Variants in OSBPL8 observed in about 807,000 individuals in gnomAD.
OSBPL8 encodes the protein oxysterol-binding protein-related protein 8.
OSBPL8 carries 59 observed loss-of-function variants against 125.5 expected under a neutral mutation model. That is an observed-to-expected ratio of 0.47 (90% CI 0.38 to 0.58). The LOEUF is 0.58. OSBPL8 is among the 20% of genes least tolerant of loss of function. The probability of loss-of-function intolerance (pLI) is 0.00; values close to 1 mark genes in which losing one functional copy is unlikely to be tolerated. For missense variants in OSBPL8, 758 were observed against 1,047.8 expected (o/e 0.72, Z 3.82); for synonymous variants, 330 against 338.9 (o/e 0.97, Z 0.29).
intron 12 of OSBPL8, among the ~76,000 whole-genome samples, chr12:76,386,941 G>A (rs1303716150): frequency 6.6e-6 from 1 of 152,062 alleles, no homozygotes; most frequent in Non-Finnish European, 1.5e-5. Flanking sequence ...TTCTGAATTG[G>A]TATTCTGCAG....
intron 1 of OSBPL8, among the ~76,000 whole-genome samples, chr12:76,514,237 C>T (rs555764168): frequency 9.8e-4 from 149 of 152,138 alleles, no homozygotes; most frequent in African/African-American, 3.4e-3. Context: ...CTCCGCCTCC[C>T]GGGTTCAAGC....
At chr12:76,505,926 G>GT (rs1475020817) in intron 1 of OSBPL8, among the ~76,000 whole-genome samples, 1 of 152,162 alleles carries the variant, frequency 6.6e-6, no homozygotes, top group African/African-American at 2.4e-5. Context: ...GAAATGATAA[G>GT]TTTTTACTTA....
chr12:76,545,832 C>G (rs971805164), intron 1 of OSBPL8, among the ~76,000 whole-genome samples: 1 of 152,120 alleles, frequency 6.6e-6, no homozygotes, highest in Non-Finnish European at 1.5e-5. Flanking sequence ...AAATGAGAAA[C>G]TATGGAGCTA....
chr12:76,358,906 G>C, intron 21 of OSBPL8, 95 bp from the exon 22 acceptor site: 1 of 859,312 alleles, frequency 1.2e-6, no homozygotes. Context: ...ACATAGGCAT[G>C]ATATTCAGAA....
intron 4 of OSBPL8, among the ~76,000 whole-genome samples, chr12:76,412,317 T>C (rs1868265086): frequency 6.6e-6 from 1 of 152,128 alleles, no homozygotes; most frequent in Non-Finnish European, 1.5e-5. Flanking sequence ...TTGGAGGAAA[T>C]ACTGACTCGG....
chr12:76,464,562 C>T (rs563177083), intron 2 of OSBPL8, among the ~76,000 whole-genome samples: 1 of 152,222 alleles, frequency 6.6e-6, no homozygotes, highest in East Asian at 1.9e-4. Flanking sequence ...TAAATATTTG[C>T]CACCTCATCT....
chr12:76,443,421 T>C (rs1035243000), intron 4 of OSBPL8, among the ~76,000 whole-genome samples: 18 of 152,158 alleles, frequency 1.2e-4, no homozygotes, highest in African/African-American at 4.1e-4. Flanking sequence ...TGAGCTATAA[T>C]TTAGGCTCCA....
rs1951937686 is a variant in OSBPL8, at chr12:76,355,186, G to A, written c.*703C>T. The A allele has an allele frequency of 6.6e-6, 1 of 152,368 alleles. No individual in the cohort carries two copies. The highest frequency in any genetic ancestry group is 1.5e-5 in the Non-Finnish European group (1 of 67,914). 9.4% of individuals were successfully genotyped at this position (152,368 alleles called of 1,614,324 possible). A position where few individuals can be genotyped will look rare whatever the true frequency, so the allele number is the denominator to read the frequency against. On this transcript the variant is annotated 3_prime_UTR_variant, in exon 24 of 24. Coordinates refer to ENST00000261183, the MANE Select transcript of OSBPL8 (RefSeq NM_020841.5). Reference sequence around the variant, plus strand: ...AATCAATCCAATTAATTGCACACCAGTGTTTTTATACTGATATACACGTAA... The same window carrying A: ...AATCAATCCAATTAATTGCACACCAATGTTTTTATACTGATATACACGTAA...
intron 12 of OSBPL8, among the ~76,000 whole-genome samples, chr12:76,387,731 T>C (rs947471296): frequency 1.3e-5 from 2 of 152,224 alleles, no homozygotes; most frequent in African/African-American, 2.4e-5. Context: ...CCTAGGCTTA[T>C]TGACAATGGT....
intron 2 of OSBPL8, among the ~76,000 whole-genome samples, chr12:76,462,948 G>C (rs532758849): frequency 6.6e-6 from 1 of 152,194 alleles, no homozygotes; most frequent in Non-Finnish European, 1.5e-5. Context: ...AGGTCAGAGG[G>C]GTAAACAGAT....
At chr12:76,451,459 T>C (rs1346499750) in intron 3 of OSBPL8, among the ~76,000 whole-genome samples, 1 of 152,152 alleles carries the variant, frequency 6.6e-6, no homozygotes, top group Non-Finnish European at 1.5e-5. Flanking sequence ...GAATTTCTAC[T>C]CTAATTTCTA....
chr12:76,539,930 GA>G, intron 1 of OSBPL8, among the ~76,000 whole-genome samples: 1 of 152,308 alleles, frequency 6.6e-6, no homozygotes, highest in Non-Finnish European at 1.5e-5. Context: ...TTTTCAGTCA[GA>G]AAACAGTCGG....
In OSBPL8 at chr12:76,352,876, T is replaced by C. The variant is rs923122944; in HGVS notation, c.*3013A>G. 1 of 152,552 alleles carries C rather than the reference T, an allele frequency of 6.6e-6. No individual in the cohort carries two copies. The highest frequency in any genetic ancestry group is 1.5e-5 in the Non-Finnish European group (1 of 67,950). 9.4% of individuals were successfully genotyped at this position (152,552 alleles called of 1,614,324 possible). A position where few individuals can be genotyped will look rare whatever the true frequency, so the allele number is the denominator to read the frequency against. On this transcript the variant is annotated 3_prime_UTR_variant, in exon 24 of 24. Coordinates refer to ENST00000261183, the MANE Select transcript of OSBPL8 (RefSeq NM_020841.5). ...AAGTGTGATTCCATCGAAAAGGCAC[T>C]GTTAACAATACTCAGAATAATCTGA...
intron 2 of OSBPL8, among the ~76,000 whole-genome samples, chr12:76,484,016 T>C (rs950647010): frequency 5.9e-5 from 9 of 152,124 alleles, no homozygotes; most frequent in African/African-American, 2.2e-4. Flanking sequence ...AATCATTTTA[T>C]ACACTGCTTT....
intron 1 of OSBPL8, among the ~76,000 whole-genome samples, chr12:76,522,552 G>A (rs1320333025): frequency 1.3e-5 from 2 of 152,082 alleles, no homozygotes; most frequent in Non-Finnish European, 2.9e-5. Context: ...AGTAAAGTGG[G>A]TTGCTATAAA....
intron 1 of OSBPL8, among the ~76,000 whole-genome samples, chr12:76,521,294 G>A (rs1882040788): frequency 6.6e-6 from 1 of 152,182 alleles, no homozygotes; most frequent in Admixed American, 6.5e-5. Flanking sequence ...CAAAATAAGT[G>A]TATTAAAAAG....
intron 21 of OSBPL8, among the ~76,000 whole-genome samples, chr12:76,368,582 A>G (rs944462325): frequency 3.3e-5 from 5 of 151,762 alleles, no homozygotes; most frequent in African/African-American, 1.2e-4. Context: ...ACCTCACTTC[A>G]TTCATTTTTC....
rs147222186 is a variant in OSBPL8 at position 76,387,823 on chromosome 12, T to C, written c.1353-1163A>G. ...CATCTTGGTTTAAATTCCCTTACTA[T>C]GCAATTTTATTTTAAAATTAAATAT... is the stretch of plus-strand genomic sequence containing the variant. On this transcript the variant is annotated intron_variant, in intron 12 of 23. Transcript: ENST00000261183. Among the ~76,000 whole-genome samples the C allele has an allele frequency of 8.3e-3, 1,263 of 152,274 alleles. 6 individuals are homozygous for C. Among genetic ancestry groups the C allele is most frequent in the Non-Finnish European group, 0.012 (786 of 68,032 alleles).
At chr12:76,532,057 A>C (rs981107125) in intron 1 of OSBPL8, among the ~76,000 whole-genome samples, 2 of 145,924 alleles carry the variant, frequency 1.4e-5, no homozygotes, top group African/African-American at 5.1e-5. Context: ...AAAAAAAAAA[A>C]CTGACCAAAA....
Sources: gnomAD v4.1 joint callset for allele counts (sites outside exome capture counted in the v4.1 genomes callset) on GRCh38, gnomAD v4.1.1 for gene constraint, MANE v1.5 for transcripts, NCBI Gene and HGNC (gene_info 2026-07-23, HGNC 2026-07-21) for gene names.